Variants in GABRB2 observed in about 807,000 individuals in gnomAD.
The protein encoded by GABRB2 is gamma-aminobutyric acid receptor subunit beta-2.
Under a neutral mutation model 54.7 loss-of-function variants are expected in GABRB2, and 16 were observed. The ratio of observed to expected loss-of-function variants is 0.29; its 90% CI spans 0.20 to 0.44. The LOEUF (loss-of-function observed/expected upper bound fraction) is 0.44. Among genes scored for constraint, GABRB2 ranks in the 20% least tolerant of loss-of-function variants. The pLI is 1.00. For synonymous variants in GABRB2, 244 were observed against 233.8 expected, an observed-to-expected ratio of 1.04 and a Z score of -0.40; for missense variants, 355 against 644.0, an observed-to-expected ratio of 0.55 and a Z score of 4.86.
chr5:161,530,683 G>A (rs778585619), intron 3 of GABRB2, among the ~76,000 whole-genome samples: 2 of 152,062 alleles, frequency 1.3e-5, no homozygotes, highest in African/African-American at 4.8e-5. Flanking sequence ...TTTTCTTGTG[G>A]TCTATAATTC....
chr5:161,385,982 G>C (rs983686357), intron 5 of GABRB2, among the ~76,000 whole-genome samples: 6 of 150,568 alleles, frequency 4.0e-5, no homozygotes, highest in Admixed American at 2.0e-4. Context: ...GTGTGTGTGT[G>C]TGTGTGTGTG....
At chr5:161,297,487 G>A (rs1757415498) in intron 9 of GABRB2, among the ~76,000 whole-genome samples, 1 of 152,004 alleles carries the variant, frequency 6.6e-6, no homozygotes, top group Admixed American at 6.6e-5. Flanking sequence ...CTGTGTCTAT[G>A]TGTTCTCATT....
chr5:161,446,220 T>C (rs970293180), intron 4 of GABRB2, among the ~76,000 whole-genome samples: 17 of 152,278 alleles, frequency 1.1e-4, no homozygotes, highest in African/African-American at 4.1e-4. Context: ...CTACTGTACC[T>C]TCTATCTTCC....
In GABRB2 at chr5:161,292,781, T is replaced by C. The variant is rs911243944; in HGVS notation, c.*1300A>G. The stretch of plus-strand genomic sequence containing the variant: ...CTGTGTGTTCATACTCCTTGAAGTA[T>C]TATTTGCTTTGAAAAATACAATGGT... On this transcript the variant is annotated 3_prime_UTR_variant, in exon 10 of 10. Coordinates refer to ENST00000393959, the MANE Select transcript of GABRB2 (RefSeq NM_001371727.1). 2.0e-5 allele frequency: 3 copies of C among 152,218 alleles called. No homozygotes were observed. Among genetic ancestry groups the C allele is most frequent in the African/African-American group, 7.2e-5 (3 of 41,460 alleles). The allele number at this position is 152,218 out of a possible 1,614,324, so 9.4% of individuals were successfully genotyped here. A position where few individuals can be genotyped will look rare whatever the true frequency, so the allele number is the denominator to read the frequency against.
At chr5:161,545,423 TCTG>T (rs1760949620) in intron 2 of GABRB2, 129 bp from the exon 3 acceptor site, 2 of 394,276 alleles carry the variant, frequency 5.1e-6, no homozygotes, top group Non-Finnish European at 8.5e-6. Flanking sequence ...TTTTCAATTC[TCTG>T]CTTTTTTTGT....
At chr5:161,327,863 T>A (rs531527241) in intron 8 of GABRB2, among the ~76,000 whole-genome samples, 6 of 150,980 alleles carry the variant, frequency 4.0e-5, no homozygotes, top group Admixed American at 4.0e-4. Context: ...AAAAAAAAAA[T>A]AACTATAGAA....
chr5:161,446,191 ATT>A (rs1414696799), intron 4 of GABRB2, among the ~76,000 whole-genome samples: 6 of 151,986 alleles, frequency 3.9e-5, no homozygotes, highest in Non-Finnish European at 1.5e-5. Context: ...TGGAGTAAGG[ATT>A]ATATGTAGCT....
At chr5:161,535,401 A>C in intron 3 of GABRB2, among the ~76,000 whole-genome samples, 1 of 152,146 alleles carries the variant, frequency 6.6e-6, no homozygotes, top group Non-Finnish European at 1.5e-5. Flanking sequence ...CAGAAACAGT[A>C]ATATTTGAGG....
At chr5:161,437,666 A>G (rs1757350845) in intron 4 of GABRB2, among the ~76,000 whole-genome samples, 2 of 152,084 alleles carry the variant, frequency 1.3e-5, no homozygotes, top group South Asian at 4.1e-4. Context: ...AGGGGAGTCC[A>G]CTACCCTGAA....
At chr5:161,546,193 T>C in intron 2 of GABRB2, 129 bp downstream of exon 2, 1 of 706,032 alleles carries the variant, frequency 1.4e-6, no homozygotes, top group Non-Finnish European at 2.5e-6. Context: ...AGTTTCTCAA[T>C]ATGGTAAAAT....
chr5:161,437,045 T>C (rs1283918627), intron 4 of GABRB2, among the ~76,000 whole-genome samples: 1 of 152,102 alleles, frequency 6.6e-6, no homozygotes, highest in Non-Finnish European at 1.5e-5. Context: ...CAAGTAAACT[T>C]GAAAGGCAGT....
intron 3 of GABRB2, among the ~76,000 whole-genome samples, chr5:161,526,830 C>G (rs191461864): frequency 1.1e-4 from 17 of 151,342 alleles, no homozygotes; most frequent in African/African-American, 3.1e-4. Context: ...TATGCAAGAC[C>G]TACATGGAGA....
chr5:161,447,316 G>A (rs1757663279), intron 4 of GABRB2, among the ~76,000 whole-genome samples: 1 of 152,172 alleles, frequency 6.6e-6, no homozygotes, highest in Non-Finnish European at 1.5e-5. Flanking sequence ...ATTATGCAAT[G>A]ATGTAAAATG....
At chr5:161,526,754 A>C (rs2113444707) in intron 3 of GABRB2, among the ~76,000 whole-genome samples, 1 of 151,536 alleles carries the variant, frequency 6.6e-6, no homozygotes, top group South Asian at 2.1e-4. Context: ...CATAAAAACT[A>C]TAAAGTACTG....
chr5:161,516,724 A>G (rs747158797), intron 3 of GABRB2, among the ~76,000 whole-genome samples: 1 of 152,210 alleles, frequency 6.6e-6, no homozygotes, highest in South Asian at 2.1e-4. Flanking sequence ...ATTTCACCAA[A>G]TGCTCATACT....
chr5:161,502,333 CAT>C (rs1490279577), intron 3 of GABRB2, among the ~76,000 whole-genome samples: 2 of 151,934 alleles, frequency 1.3e-5, no homozygotes, highest in Non-Finnish European at 2.9e-5. Flanking sequence ...TTAATATACT[CAT>C]AAAAGAAATG....
chr5:161,453,737 TA>T (rs140889888), intron 4 of GABRB2, among the ~76,000 whole-genome samples: 1 of 151,760 alleles, frequency 6.6e-6, no homozygotes, highest in Non-Finnish European at 1.5e-5. Flanking sequence ...GCTTTTTTAA[TA>T]AAAAAAAGAA....
chr5:161,541,291 T>C (rs1472210959), intron 3 of GABRB2, among the ~76,000 whole-genome samples: 2 of 151,716 alleles, frequency 1.3e-5, no homozygotes, highest in African/African-American at 4.8e-5. Flanking sequence ...ACAGGCCGAG[T>C]AGATTTAGCA....
At chr5:161,304,504 T>C (rs1170699595) in intron 9 of GABRB2, among the ~76,000 whole-genome samples, 1 of 152,204 alleles carries the variant, frequency 6.6e-6, no homozygotes, top group Non-Finnish European at 1.5e-5. Flanking sequence ...ACTTCTCTAG[T>C]AACCCTTTGG....
Sources: gnomAD v4.1 joint callset for allele counts (sites outside exome capture counted in the v4.1 genomes callset) on GRCh38, gnomAD v4.1.1 for gene constraint, MANE v1.5 for transcripts, NCBI Gene and HGNC (gene_info 2026-07-23, HGNC 2026-07-21) for gene names.